Variants in KIF13B observed in about 807,000 individuals in gnomAD.
The protein encoded by KIF13B is kinesin-like protein KIF13B.
Under a neutral mutation model 222.0 loss-of-function variants are expected in KIF13B, and 127 were observed. The observed-to-expected ratio is 0.57, with a 90% CI of 0.50 to 0.66. The LOEUF (loss-of-function observed/expected upper bound fraction) is 0.66, where lower values mean the gene tolerates loss of function less well. Among genes scored for constraint, KIF13B ranks in the 30% least tolerant of loss-of-function variants. The pLI is 0.00. For missense variants in KIF13B, 2,173 were observed against 2,379.0 expected, an observed-to-expected ratio of 0.91 and a Z score of 1.80; for synonymous variants, 976 against 919.0, an observed-to-expected ratio of 1.06 and a Z score of -1.12.
chr8:29,226,618 C>T (rs1563806583), intron 2 of KIF13B, among the ~76,000 whole-genome samples: 1 of 152,182 alleles, frequency 6.6e-6, no homozygotes, highest in Non-Finnish European at 1.5e-5. Flanking sequence ...TCCAAGATTG[C>T]TGGTCAGAAT....
At chr8:29,153,934 T>C (rs919541974) in intron 14 of KIF13B, among the ~76,000 whole-genome samples, 3 of 152,240 alleles carry the variant, frequency 2.0e-5, no homozygotes, top group African/African-American at 7.2e-5. Context: ...GATATAGTAT[T>C]CGTGATTTAT....
chr8:29,173,892 G>A (rs1469565761), intron 10 of KIF13B, among the ~76,000 whole-genome samples: 18 of 147,746 alleles, frequency 1.2e-4, no homozygotes, highest in Non-Finnish European at 1.6e-4. Context: ...GCAGTGAGCC[G>A]AGACTGCGCC....
chr8:29,140,327 T>C, intron 20 of KIF13B, 136 bp from the exon 21 acceptor site: 1 of 1,395,132 alleles, frequency 7.2e-7, no homozygotes, highest in Non-Finnish European at 9.7e-7. Context: ...CTCTGACAGT[T>C]ACTCTACCCT....
At chr8:29,240,996 C>G (rs1048382040) in intron 2 of KIF13B, among the ~76,000 whole-genome samples, 2 of 152,162 alleles carry the variant, frequency 1.3e-5, no homozygotes, top group Non-Finnish European at 2.9e-5. Context: ...GACGTCCACA[C>G]AAAGACTTGT....
chr8:29,230,903 G>T (rs1477757605), intron 2 of KIF13B, among the ~76,000 whole-genome samples: 1 of 152,152 alleles, frequency 6.6e-6, no homozygotes, highest in Non-Finnish European at 1.5e-5. Context: ...TTGAGACAGG[G>T]TCTCACATTG....
chr8:29,248,055 G>A (rs932027100), intron 1 of KIF13B, among the ~76,000 whole-genome samples: 2 of 152,112 alleles, frequency 1.3e-5, no homozygotes, highest in Non-Finnish European at 2.9e-5. Flanking sequence ...CACAAGGGTT[G>A]GCAAGGGTGT....
At chr8:29,211,156 C>A (rs930543666) in intron 2 of KIF13B, among the ~76,000 whole-genome samples, 2 of 152,194 alleles carry the variant, frequency 1.3e-5, no homozygotes, top group Middle Eastern at 3.2e-3. Context: ...CTCGTCTGCA[C>A]GAAAGCACCA....
At position 29,108,208 on chromosome 8, in the gene KIF13B, A is replaced by AG. The variant is rs769327975; in HGVS notation, c.4162-17dup. On this transcript the variant is annotated splice_polypyrimidine_tract_variant and intron_variant, in intron 34 of 39. Transcript: ENST00000524189. Reference sequence around the variant, plus strand: ...TTCCAGACAACTGAAGAAGAAAGAAAGGGGGGTTAGTTATTTATGCATCAG... The same window carrying AG: ...TTCCAGACAACTGAAGAAGAAAGAAAGGGGGGGTTAGTTATTTATGCATCAG... The AG allele has an allele frequency of 1.2e-6, 2 of 1,609,482 alleles. No individual in the cohort carries two copies. Among genetic ancestry groups the AG allele is most frequent in the African/African-American group, 2.7e-5 (2 of 74,940 alleles).
chr8:29,090,604 C>T (rs1303153271), intron 37 of KIF13B, among the ~76,000 whole-genome samples: 1 of 152,172 alleles, frequency 6.6e-6, no homozygotes, highest in African/African-American at 2.4e-5. Context: ...AAGGGAAATG[C>T]CTTCCAAGGA....
intron 29 of KIF13B, among the ~76,000 whole-genome samples, chr8:29,120,165 AG>A (rs1016458777): frequency 3.9e-5 from 4 of 103,674 alleles, no homozygotes; most frequent in African/African-American, 1.4e-4. Flanking sequence ...GAAAAATGAC[AG>A]TTTTTTTTTT....
At chr8:29,196,335 T>A (rs1813421892) in intron 2 of KIF13B, 136 bp from the exon 3 acceptor site, 1 of 738,630 alleles carries the variant, frequency 1.4e-6, no homozygotes, top group African/African-American at 1.8e-5. Context: ...TATAAAATAA[T>A]ACCTTTGAAG....
chr8:29,172,609 A>C (rs1812295725), intron 10 of KIF13B, among the ~76,000 whole-genome samples: 1 of 152,220 alleles, frequency 6.6e-6, no homozygotes, highest in African/African-American at 2.4e-5. Flanking sequence ...CCTTCTAATG[A>C]AAATTAACCT....
chr8:29,194,290 G>GTT (rs10581359), intron 3 of KIF13B, among the ~76,000 whole-genome samples: 5 of 142,244 alleles, frequency 3.5e-5, no homozygotes, highest in African/African-American at 1.0e-4. Context: ...TTATTATTGG[G>GTT]TTTTTTTTTT....
intron 16 of KIF13B, 42 bp from the exon 17 acceptor site, chr8:29,147,644 ACAT>A: frequency 2.9e-6 from 4 of 1,386,174 alleles, no homozygotes; most frequent in Non-Finnish European, 3.0e-6. Context: ...GAGAGTTACA[ACAT>A]AATAAACTTC....
Position 29,092,737 on chromosome 8 carries a change from C to A in KIF13B, c.4458+8G>T, listed in dbSNP as rs1332829493. ...AACGTTCACAGCTGTTTTCTCGGTG[C>A]TTTTTACCTGGTGTGCGAGGGGAGA... On this transcript the variant is annotated splice_region_variant and intron_variant, in intron 37 of 39. Transcript: ENST00000524189. 1.2e-6 allele frequency: 2 copies of A among 1,605,022 alleles called. No homozygotes were observed. The highest frequency in any genetic ancestry group is 2.7e-5 in the African/African-American group (2 of 74,250).
Position 29,196,219 on chromosome 8 carries a change from G to T in KIF13B, c.150-20C>A. ...TGGCCCCTGAGCTCCCAAAACAGAT[G>T]TCATCATTGACGTGAAAGAAAAGTT... On this transcript the variant is annotated intron_variant, in intron 2 of 39. Transcript: ENST00000524189. 1 of 1,540,390 alleles carries T rather than the reference G, an allele frequency of 6.5e-7. No individual in the cohort carries two copies. The highest frequency in any genetic ancestry group is 8.8e-7 in the Non-Finnish European group (1 of 1,142,588).
At chr8:29,140,642 A>C in intron 19 of KIF13B, 25 bp from the exon 20 acceptor site, 1 of 1,595,258 alleles carries the variant, frequency 6.3e-7, no homozygotes, top group Non-Finnish European at 8.6e-7. Context: ...AGAACACACA[A>C]CTTCAGAAAA....
chr8:29,114,972 A>G (rs1809527244), intron 31 of KIF13B, among the ~76,000 whole-genome samples: 1 of 152,198 alleles, frequency 6.6e-6, no homozygotes, highest in Admixed American at 6.5e-5. Context: ...GAAGACAGAG[A>G]GAGTGAATGG....
chr8:29,085,787 C>A (rs560229026), intron 37 of KIF13B, among the ~76,000 whole-genome samples: 74 of 121,670 alleles, frequency 6.1e-4, no homozygotes, highest in African/African-American at 2.1e-3. Flanking sequence ...GAGGTTGAGG[C>A]CACAGTGTGC....
Sources: gnomAD v4.1 joint callset for allele counts (sites outside exome capture counted in the v4.1 genomes callset) on GRCh38, gnomAD v4.1.1 for gene constraint, MANE v1.5 for transcripts, NCBI Gene and HGNC (gene_info 2026-07-23, HGNC 2026-07-21) for gene names.